The following THSD4 variants were observed in gnomAD, a reference collection of about 807,000 sequenced individuals.
THSD4 encodes the protein thrombospondin type 1 domain containing 4, also known as thrombospondin type-1 domain-containing protein 4.
In THSD4, 69 loss-of-function variants were observed where a neutral mutation model predicts 119.0. That is an observed-to-expected ratio of 0.58 (90% CI 0.48 to 0.71). The LOEUF is 0.71. THSD4 is among the 30% of genes least tolerant of loss of function. The pLI, the probability that THSD4 is intolerant of heterozygous loss-of-function variation, is 0.00. For synonymous variants in THSD4, 524 were observed against 540.4 expected, an observed-to-expected ratio of 0.97 and a Z score of 0.42; for missense variants, 1,393 against 1,391.1, an observed-to-expected ratio of 1.00 and a Z score of -0.02.
intron 7 of THSD4, among the ~76,000 whole-genome samples, chr15:71,442,660 G>GTGTGTGTATGTATGTATGTA: frequency 1.5e-4 from 4 of 25,818 alleles, no homozygotes; most frequent in African/African-American, 2.2e-4. Context: ...GTGTGTGTGT[G>GTGTGTGTATGTATGTATGTA]TATATATATA....
chr15:71,575,202 AG>A (rs761973015), intron 7 of THSD4, among the ~76,000 whole-genome samples: 60 of 152,192 alleles, frequency 3.9e-4, no homozygotes, highest in Non-Finnish European at 7.6e-4. Flanking sequence ...TTTGTAACTT[AG>A]GAAGCCAATG....
intron 7 of THSD4, among the ~76,000 whole-genome samples, chr15:71,495,159 A>G (rs1219199678): frequency 1.3e-5 from 2 of 152,218 alleles, no homozygotes; most frequent in African/African-American, 4.8e-5. Flanking sequence ...TAACAATTCA[A>G]GTTGACAACT....
chr15:71,614,121 T>A (rs2050281028), intron 7 of THSD4, among the ~76,000 whole-genome samples: 1 of 152,186 alleles, frequency 6.6e-6, no homozygotes, highest in South Asian at 2.1e-4. Flanking sequence ...GCAACTCTAT[T>A]TTGGCCAAAC....
intron 6 of THSD4, among the ~76,000 whole-genome samples, chr15:71,313,638 A>C (rs920887765): frequency 1.3e-5 from 2 of 152,182 alleles, no homozygotes; most frequent in African/African-American, 2.4e-5. Context: ...TCAAAATCTT[A>C]AAAATAATGC....
chr15:71,319,681 C>T (rs1176402756), intron 6 of THSD4, among the ~76,000 whole-genome samples: 1 of 152,022 alleles, frequency 6.6e-6, no homozygotes, highest in Non-Finnish European at 1.5e-5. Flanking sequence ...CAAGTCTTTG[C>T]TATTGTGAAT....
intron 7 of THSD4, among the ~76,000 whole-genome samples, chr15:71,619,160 TG>T (rs2050375426): frequency 6.6e-6 from 1 of 150,518 alleles, no homozygotes; most frequent in African/African-American, 2.4e-5. Context: ...TTAGTGGAGA[TG>T]GGGTTTCACC....
intron 1 of THSD4, among the ~76,000 whole-genome samples, chr15:71,130,020 G>A (rs537986088): frequency 7.9e-5 from 12 of 152,216 alleles, no homozygotes; most frequent in South Asian, 2.1e-4. Flanking sequence ...ACTCAAGGGC[G>A]GAGCTGTTCC....
chr15:71,202,571 C>T (rs1389790105), intron 3 of THSD4, among the ~76,000 whole-genome samples: 1 of 152,200 alleles, frequency 6.6e-6, no homozygotes, highest in Non-Finnish European at 1.5e-5. Flanking sequence ...CAGAATGTGA[C>T]ATCTGTTCCC....
intron 5 of THSD4, among the ~76,000 whole-genome samples, chr15:71,255,571 G>C (rs1369288335): frequency 6.6e-6 from 1 of 152,174 alleles, no homozygotes; most frequent in African/African-American, 2.4e-5. Context: ...TTTCCAGAAA[G>C]ATCTCTGGGT....
intron 7 of THSD4, among the ~76,000 whole-genome samples, chr15:71,445,364 C>T (rs774299858): frequency 3.5e-4 from 54 of 152,198 alleles, no homozygotes; most frequent in Non-Finnish European, 6.8e-4. Flanking sequence ...CCTCCACTAT[C>T]TAGCACAGTG....
intron 8 of THSD4, among the ~76,000 whole-genome samples, chr15:71,716,096 G>A (rs150666030): frequency 6.6e-6 from 1 of 152,280 alleles, no homozygotes; most frequent in East Asian, 1.9e-4. Flanking sequence ...AATCTGTTCC[G>A]TGACCCTCTA....
At position 71,626,602 on chromosome 15, in the gene THSD4, A is replaced by T. The variant is rs531905892; in HGVS notation, c.1153-33928A>T. 5.3e-5 allele frequency among the ~76,000 whole-genome samples: 8 copies of T among 152,314 alleles called. No homozygotes were observed. In the South Asian group the frequency reaches 8.3e-4, roughly 16 times the overall value. On this transcript the variant is annotated intron_variant, in intron 7 of 17. Transcript: ENST00000261862. Reference sequence around the variant, plus strand: ...TTAAATTGCATCTTTTGAGATTCCCATATGATTTTTCTTCTGTAGTACCAA... The same window carrying T: ...TTAAATTGCATCTTTTGAGATTCCCTTATGATTTTTCTTCTGTAGTACCAA...
chr15:71,323,694 T>A (rs1319347438), intron 6 of THSD4, among the ~76,000 whole-genome samples: 1 of 152,188 alleles, frequency 6.6e-6, no homozygotes, highest in Non-Finnish European at 1.5e-5. Context: ...GCTGCCTATA[T>A]ATTCCTTTGG....
intron 6 of THSD4, among the ~76,000 whole-genome samples, chr15:71,274,349 T>C (rs2044566463): frequency 6.6e-6 from 1 of 152,178 alleles, no homozygotes; most frequent in South Asian, 2.1e-4. Context: ...CATTCCTCCT[T>C]CTTGTTGTGT....
chr15:71,403,135 C>T (rs2046559937), intron 6 of THSD4, among the ~76,000 whole-genome samples: 1 of 152,098 alleles, frequency 6.6e-6, no homozygotes, highest in Non-Finnish European at 1.5e-5. Flanking sequence ...TCTTCCTAGT[C>T]CTGGCCATTC....
In THSD4 at chr15:71,256,608, A is replaced by G. The variant is rs779587412; in HGVS notation, c.913-5A>G. The G allele has an allele frequency of 4.2e-5, 67 of 1,612,768 alleles. No homozygotes were observed. The highest frequency in any genetic ancestry group is 5.3e-5 in the Non-Finnish European group (62 of 1,179,112). ...TAATTGCATATTTAATATCTGCTTT[A>G]TTAGGTATGTCCAGAAAGCAGTAGA... is the stretch of plus-strand genomic sequence containing the variant. On this transcript the variant is annotated splice_polypyrimidine_tract_variant and splice_region_variant and intron_variant, in intron 5 of 17. Coordinates refer to ENST00000261862, the MANE Select transcript of THSD4 (RefSeq NM_024817.3).
chr15:71,331,584 G>C (rs1219663191), intron 6 of THSD4, among the ~76,000 whole-genome samples: 1 of 152,164 alleles, frequency 6.6e-6, no homozygotes, highest in African/African-American at 2.4e-5. Context: ...CTGGCCCCCA[G>C]AGCATGGTGG....
chr15:71,497,897 ATCATTATCT>A (rs1417243903), intron 7 of THSD4, among the ~76,000 whole-genome samples: 1 of 152,188 alleles, frequency 6.6e-6, no homozygotes, highest in African/African-American at 2.4e-5. Context: ...TTGTTTTGGG[ATCATTATCT>A]TCATATCATT....
In THSD4 at chr15:71,660,628, G is replaced by A; in HGVS notation, c.1251G>A (p.Val417=). Residue 417 remains valine (V), a synonymous_variant, in exon 8 of 18, where the codon GTG becomes GTA. Transcript: ENST00000261862. ...CGGGCTGTCAGGTTGTGTCGGGCGT[G>A]TTTAAGCATGCCCTCACCAGCCTGG... ...DNTGCQVVSG[V]FKHALTSLGY... The A allele has an allele frequency of 1.2e-6, 2 of 1,614,210 alleles. No homozygotes were observed. Among genetic ancestry groups the A allele is most frequent in the African/African-American group, 2.7e-5 (2 of 75,062 alleles).
Sources: allele counts gnomAD v4.1 joint callset (sites outside exome capture counted in the v4.1 genomes callset), GRCh38; gene constraint gnomAD v4.1.1; transcripts MANE v1.5; gene names NCBI Gene and HGNC (gene_info 2026-07-23, HGNC 2026-07-21).